The following WDSUB1 variants were observed in gnomAD, a reference collection of about 807,000 sequenced individuals.
WDSUB1 encodes WD repeat, SAM and U-box domain-containing protein 1.
A neutral mutation model predicts 53.9 loss-of-function variants in WDSUB1; 49 were observed. That is an observed-to-expected ratio of 0.91 (90% CI 0.72 to 1.15). The LOEUF (loss-of-function observed/expected upper bound fraction) is 1.15, where lower values mean the gene tolerates loss of function less well. WDSUB1 is among the 50% of genes most tolerant of loss of function. WDSUB1 has a pLI of 0.00. For synonymous variants in WDSUB1, 194 were observed against 200.6 expected (o/e 0.97, Z 0.28); for missense variants, 514 against 562.0 (o/e 0.91, Z 0.86).
At chr2:159,236,398 C>A (rs891723378) in intron 10 of WDSUB1, among the ~76,000 whole-genome samples, 3 of 152,054 alleles carry the variant, frequency 2.0e-5, no homozygotes, top group African/African-American at 4.8e-5. Flanking sequence ...GCAAAAATTG[C>A]CCAGAAGAGT....
chr2:159,285,137 A>C (rs1048608561), intron 1 of WDSUB1, among the ~76,000 whole-genome samples: 1 of 152,234 alleles, frequency 6.6e-6, no homozygotes. Context: ...CACACCATGT[A>C]AAACTGTCAG....
chr2:159,264,603 G>C (rs1366587980), intron 5 of WDSUB1, among the ~76,000 whole-genome samples: 3 of 152,142 alleles, frequency 2.0e-5, no homozygotes, highest in South Asian at 4.1e-4. Flanking sequence ...CAAATAACTG[G>C]AGAGTGTGGG....
intron 1 of WDSUB1, among the ~76,000 whole-genome samples, chr2:159,284,522 T>A (rs1397767392): frequency 6.6e-6 from 1 of 152,088 alleles, no homozygotes; most frequent in African/African-American, 2.4e-5. Context: ...TCATTGAAAA[T>A]TTATTAATAA....
intron 6 of WDSUB1, among the ~76,000 whole-genome samples, chr2:159,259,269 C>T (rs2061139732): frequency 6.6e-6 from 1 of 152,170 alleles, no homozygotes; most frequent in Non-Finnish European, 1.5e-5. Context: ...AAGCCATCTG[C>T]CTGCTTCAGC....
intron 3 of WDSUB1, among the ~76,000 whole-genome samples, chr2:159,276,015 AATGTTTAATC>A (rs1236882078): frequency 1.3e-5 from 2 of 152,146 alleles, no homozygotes; most frequent in East Asian, 3.8e-4. Context: ...GAGAGTGTTA[AATGTTTAATC>A]ATTCCTAACC....
intron 5 of WDSUB1, among the ~76,000 whole-genome samples, chr2:159,270,288 T>C (rs1032420666): frequency 4.6e-5 from 7 of 152,292 alleles, no homozygotes; most frequent in Admixed American, 3.3e-4. Context: ...ACAAGACCAA[T>C]ATCATAAAGA....
chr2:159,286,166 G>A (rs1029483781), intron 1 of WDSUB1, among the ~76,000 whole-genome samples: 2 of 152,108 alleles, frequency 1.3e-5, no homozygotes, highest in African/African-American at 2.4e-5. Flanking sequence ...CAGGTCAGTT[G>A]GCCAGCGTAA....
chr2:159,246,312 G>C (rs894288639), intron 10 of WDSUB1, among the ~76,000 whole-genome samples: 2 of 151,760 alleles, frequency 1.3e-5, no homozygotes, highest in Non-Finnish European at 2.9e-5. Context: ...GGTGCCTGTA[G>C]TCCCAGCTAC....
chr2:159,250,789 AT>A (rs2060934017), intron 9 of WDSUB1, among the ~76,000 whole-genome samples: 1 of 152,156 alleles, frequency 6.6e-6, no homozygotes, highest in African/African-American at 2.4e-5. Flanking sequence ...TAAGATCAAG[AT>A]TTGCTGAAGT....
At chr2:159,250,027 T>C (rs2060912273) in intron 9 of WDSUB1, among the ~76,000 whole-genome samples, 1 of 147,900 alleles carries the variant, frequency 6.8e-6, no homozygotes, top group African/African-American at 2.5e-5. Context: ...AGGCGGAGGT[T>C]GCAGTGAGCT....
At chr2:159,285,750 T>C (rs1328799914) in intron 1 of WDSUB1, among the ~76,000 whole-genome samples, 1 of 152,156 alleles carries the variant, frequency 6.6e-6, no homozygotes, top group Non-Finnish European at 1.5e-5. Flanking sequence ...CCTTTCCCTA[T>C]CTTCATCTTA....
At position 159,251,944 on chromosome 2, in the gene WDSUB1, C is replaced by T. The variant is rs555072956; in HGVS notation, c.1133-3432G>A. 2.6e-3 allele frequency among the ~76,000 whole-genome samples: 390 copies of T among 152,200 alleles called. 1 individual carries two copies. Among genetic ancestry groups the T allele is most frequent in the Non-Finnish European group, 4.6e-3 (310 of 68,026 alleles). On this transcript the variant is annotated intron_variant, in intron 9 of 10. Coordinates refer to ENST00000359774, the MANE Select transcript of WDSUB1 (RefSeq NM_001128212.3). Reference sequence around the variant, plus strand: ...TTCCTACGTGTGCCCTTTACTCTCCCAACTTTGTCCTGTAAGTACCGATGC... The same window carrying T: ...TTCCTACGTGTGCCCTTTACTCTCCTAACTTTGTCCTGTAAGTACCGATGC...
intron 5 of WDSUB1, 65 bp from the exon 6 acceptor site, chr2:159,259,908 A>C: frequency 7.3e-7 from 1 of 1,363,532 alleles, no homozygotes; most frequent in South Asian, 1.4e-5. Context: ...TTATGTAATT[A>C]GTATTTTTAA....
chr2:159,265,658 T>G (rs746470915), intron 5 of WDSUB1, among the ~76,000 whole-genome samples: 7 of 151,808 alleles, frequency 4.6e-5, no homozygotes, highest in Admixed American at 4.6e-4. Flanking sequence ...CAGTAAGCCA[T>G]GATAGTGCCA....
At chr2:159,260,560 A>G (rs542122416) in intron 5 of WDSUB1, among the ~76,000 whole-genome samples, 2 of 152,360 alleles carry the variant, frequency 1.3e-5, no homozygotes, top group South Asian at 4.1e-4. Context: ...ATCAATGTAT[A>G]TATGTTTTGA....
rs763046906 is a variant in WDSUB1, at chr2:159,279,945, T to A, written c.399A>T (p.Arg133Ser). ...AGGAGCCATCTTTAACACTACCACA[T>A]CTGAAATAAAAGCAAAAAGTGGGTT... ...LWNAQSYKLY[R>S]CGSVKDGSLA... is the part of the protein sequence containing the mutation. Residue 133 changes from arginine (R) to serine (S), a missense_variant and splice_region_variant, in exon 3 of 11, where the codon AGA becomes AGT. By Grantham distance (110) the Arg-to-Ser change is moderately radical (BLOSUM62 -1). Coordinates refer to ENST00000359774, the MANE Select transcript of WDSUB1 (RefSeq NM_001128212.3). 6.2e-7 allele frequency: 1 copy of A among 1,601,304 alleles called. No homozygotes were observed. Among genetic ancestry groups the A allele is most frequent in the South Asian group, 1.1e-5 (1 of 90,216 alleles).
At chr2:159,285,160 C>T (rs2061761213) in intron 1 of WDSUB1, among the ~76,000 whole-genome samples, 1 of 152,150 alleles carries the variant, frequency 6.6e-6, no homozygotes, top group Non-Finnish European at 1.5e-5. Context: ...ACCTAATGTA[C>T]TTAAATAAAT....
chr2:159,247,377 A>C (rs1367887541), intron 10 of WDSUB1, among the ~76,000 whole-genome samples: 3 of 152,238 alleles, frequency 2.0e-5, no homozygotes, highest in Non-Finnish European at 4.4e-5. Flanking sequence ...ATATGTAAAT[A>C]GTAAACTACC....
intron 4 of WDSUB1, among the ~76,000 whole-genome samples, chr2:159,275,174 T>C (rs2061515061): frequency 6.6e-6 from 1 of 152,174 alleles, no homozygotes; most frequent in Non-Finnish European, 1.5e-5. Context: ...AAGGGTCACC[T>C]GATGGAATAG....
Sources: gnomAD v4.1 joint callset for allele counts (sites outside exome capture counted in the v4.1 genomes callset) on GRCh38, gnomAD v4.1.1 for gene constraint, MANE v1.5 for transcripts, NCBI Gene and HGNC (gene_info 2026-07-23, HGNC 2026-07-21) for gene names.